CA10: variants seen among roughly 807,000 people sequenced by gnomAD.
CA10 encodes carbonic anhydrase-related protein 10.
CA10 carries 14 observed loss-of-function variants against 44.2 expected under a neutral mutation model. The observed-to-expected ratio is 0.32, with a 90% CI of 0.21 to 0.50. The LOEUF (loss-of-function observed/expected upper bound fraction) is 0.50. Among genes scored for constraint, CA10 ranks in the 20% least tolerant of loss-of-function variants. The pLI is 0.99. For missense variants in CA10, 350 were observed against 409.7 expected (o/e 0.85, Z 1.26); for synonymous variants, 159 against 141.6 (o/e 1.12, Z -0.87).
At position 51,910,122 on chromosome 17, in the gene CA10, G is replaced by A. The variant is rs146834607; in HGVS notation, c.279+20868C>T. 2.7e-3 allele frequency among the ~76,000 whole-genome samples: 416 copies of A among 152,138 alleles called. 6 individuals carry two copies. The highest frequency in any genetic ancestry group is 9.5e-3 in the African/African-American group (396 of 41,512). ...AATAGGAATGAATAACAGAAGGGGA[G>A]GCTCATGTCCTTTTGTGGGTTCATC... On this transcript the variant is annotated intron_variant, in intron 3 of 8. Transcript: ENST00000451037.
intron 3 of CA10, among the ~76,000 whole-genome samples, chr17:51,830,856 G>C (rs1343260995): frequency 1.3e-5 from 2 of 152,114 alleles, no homozygotes; most frequent in Admixed American, 6.5e-5. Context: ...AGTCCTCCCT[G>C]CTCAAAAACA....
intron 3 of CA10, among the ~76,000 whole-genome samples, chr17:51,809,555 C>T (rs12601680): frequency 0.31 from 46,524 of 152,112 alleles, 8,491 homozygotes; most frequent in East Asian, 0.5. Context: ...CTTTGTAGCA[C>T]ATCCAGCAGC....
intron 1 of CA10, among the ~76,000 whole-genome samples, chr17:52,155,367 G>A (rs1177679536): frequency 6.6e-6 from 1 of 152,114 alleles, no homozygotes. Context: ...TGCAAATCAT[G>A]GAGACAGAAA....
chr17:52,083,049 G>T (rs1567727460), intron 1 of CA10, among the ~76,000 whole-genome samples: 1 of 152,096 alleles, frequency 6.6e-6, no homozygotes, highest in South Asian at 2.1e-4. Flanking sequence ...ATAGCAATAA[G>T]GAAAATGTGT....
intron 2 of CA10, among the ~76,000 whole-genome samples, chr17:51,936,963 CAAT>C (rs1235789075): frequency 6.6e-6 from 1 of 152,020 alleles, no homozygotes; most frequent in Non-Finnish European, 1.5e-5. Flanking sequence ...AAATATGTGC[CAAT>C]AAAATCGTGT....
At chr17:51,653,348 AT>A (rs1365636258) in intron 5 of CA10, among the ~76,000 whole-genome samples, 1 of 151,964 alleles carries the variant, frequency 6.6e-6, no homozygotes, top group East Asian at 1.9e-4. Context: ...ATTTCACTGC[AT>A]TAGGTGGGTC....
intron 6 of CA10, among the ~76,000 whole-genome samples, chr17:51,637,359 C>T (rs1356159846): frequency 1.3e-5 from 2 of 152,160 alleles, no homozygotes; most frequent in Non-Finnish European, 2.9e-5. Context: ...CTTCACTTGC[C>T]TTCTGCATCC....
chr17:52,021,056 A>G (rs1409436687), intron 2 of CA10, among the ~76,000 whole-genome samples: 1 of 151,950 alleles, frequency 6.6e-6, no homozygotes, highest in East Asian at 1.9e-4. Context: ...TCTACCATTG[A>G]TGGGTATCGA....
At chr17:51,829,921 G>A (rs75324976) in intron 3 of CA10, among the ~76,000 whole-genome samples, 3,225 of 152,180 alleles carry the variant, frequency 0.021, 111 homozygotes, top group African/African-American at 0.072. Flanking sequence ...TCAAAAGGCC[G>A]GGCGCGGTGG....
chr17:51,876,159 C>CG (rs1980064126), intron 3 of CA10, among the ~76,000 whole-genome samples: 1 of 107,596 alleles, frequency 9.3e-6, no homozygotes, highest in Non-Finnish European at 1.8e-5. Flanking sequence ...TTTCTTCTCT[C>CG]GTTTTTTTTT....
At chr17:52,052,304 A>ATTTTT (rs746707046) in intron 2 of CA10, among the ~76,000 whole-genome samples, 17 of 130,662 alleles carry the variant, frequency 1.3e-4, no homozygotes, top group African/African-American at 3.4e-4. Flanking sequence ...TTTTTTAAAA[A>ATTTTT]AAAAAAAAAA....
intron 2 of CA10, among the ~76,000 whole-genome samples, chr17:52,036,871 T>C (rs1043263411): frequency 4.6e-5 from 7 of 152,160 alleles, no homozygotes; most frequent in South Asian, 4.1e-4. Flanking sequence ...CAGAGCATGA[T>C]ACATTCACAG....
chr17:51,923,007 A>G (rs1982291446), intron 3 of CA10, among the ~76,000 whole-genome samples: 1 of 152,226 alleles, frequency 6.6e-6, no homozygotes, highest in Non-Finnish European at 1.5e-5. Flanking sequence ...CACAAAATAC[A>G]GATGAGTAAG....
intron 3 of CA10, among the ~76,000 whole-genome samples, chr17:51,826,945 C>T (rs534785231): frequency 1.3e-5 from 2 of 152,304 alleles, no homozygotes; most frequent in East Asian, 1.9e-4. Flanking sequence ...CCTGCACACA[C>T]GTTTGCAAAC....
intron 3 of CA10, among the ~76,000 whole-genome samples, chr17:51,811,895 C>A (rs1253462636): frequency 3.3e-5 from 5 of 152,222 alleles, no homozygotes; most frequent in Non-Finnish European, 5.9e-5. Context: ...CATTTCCTGA[C>A]AGCACACAGT....
At chr17:51,761,818 A>G (rs754469915) in intron 3 of CA10, 1 of 152,296 alleles carries the variant, frequency 6.6e-6, no homozygotes, top group Non-Finnish European at 1.5e-5. Flanking sequence ...ATCCACAACC[A>G]AAATCCAAAC....
chr17:52,157,796 C>T lies in CA10; in HGVS notation c.-10G>A, dbSNP rs768978296. The T allele has an allele frequency of 6.2e-7, 1 of 1,613,230 alleles. No homozygotes were observed. Among genetic ancestry groups the T allele is most frequent in the Non-Finnish European group, 8.5e-7 (1 of 1,179,186 alleles). ...CCCAGACTATTTCCATCCTCTGATT[C>T]TCATTCCAAGTGCATCACTCGACGG... On this transcript the variant is annotated 5_prime_UTR_variant, in exon 1 of 9. Coordinates refer to ENST00000451037, the MANE Select transcript of CA10 (RefSeq NM_020178.5).
intron 2 of CA10, among the ~76,000 whole-genome samples, chr17:52,052,558 T>C (rs1987107313): frequency 6.6e-6 from 1 of 152,056 alleles, no homozygotes; most frequent in African/African-American, 2.4e-5. Flanking sequence ...TCAATAAATA[T>C]GAACAAGTGG....
At chr17:51,803,045 C>T (rs1036082516) in intron 3 of CA10, among the ~76,000 whole-genome samples, 18 of 152,140 alleles carry the variant, frequency 1.2e-4, no homozygotes, top group African/African-American at 3.4e-4. Flanking sequence ...CATGCTACTC[C>T]GGGTTTAAAT....
Sources: gnomAD v4.1 joint callset for allele counts (sites outside exome capture counted in the v4.1 genomes callset) on GRCh38, gnomAD v4.1.1 for gene constraint, MANE v1.5 for transcripts, NCBI Gene and HGNC (gene_info 2026-07-23, HGNC 2026-07-21) for gene names.